Variants in PTPRG observed in about 807,000 individuals in gnomAD.
PTPRG encodes receptor-type tyrosine-protein phosphatase gamma.
In PTPRG, 102 loss-of-function variants were observed where a neutral mutation model predicts 165.3. The observed-to-expected ratio is 0.62, with a 90% CI of 0.53 to 0.73. The LOEUF is 0.73. Among genes scored for constraint, PTPRG ranks in the 30% least tolerant of loss-of-function variants. The pLI is 0.00. For missense variants in PTPRG, 1,866 were observed against 1,861.4 expected, an observed-to-expected ratio of 1.00 and a Z score of -0.05; for synonymous variants, 675 against 669.5, an observed-to-expected ratio of 1.01 and a Z score of -0.13.
chr3:61,961,084 A>G (rs574464691), intron 2 of PTPRG, among the ~76,000 whole-genome samples: 1 of 152,272 alleles, frequency 6.6e-6, no homozygotes, highest in South Asian at 2.1e-4. Context: ...GTAAAGTGTT[A>G]AAAAACTTTG....
intron 1 of PTPRG, among the ~76,000 whole-genome samples, chr3:61,606,786 A>G (rs1469128699): frequency 6.6e-6 from 1 of 152,134 alleles, no homozygotes; most frequent in African/African-American, 2.4e-5. Flanking sequence ...TAAGGGCCTT[A>G]ATTTTATTCA....
intron 5 of PTPRG, among the ~76,000 whole-genome samples, chr3:62,116,398 T>C (rs2106875033): frequency 6.6e-6 from 1 of 152,330 alleles, no homozygotes; most frequent in South Asian, 2.1e-4. Flanking sequence ...GGTGATGCTT[T>C]ATGCAACAGA....
intron 10 of PTPRG, among the ~76,000 whole-genome samples, chr3:62,196,551 A>G (rs1410742109): frequency 1.3e-5 from 2 of 152,146 alleles, no homozygotes; most frequent in African/African-American, 2.4e-5. Context: ...TCCTGGTTCC[A>G]GTATTATTTA....
Position 62,296,911 on chromosome 3 carries a change from G to A in PTPRG, c.*3604G>A, listed in dbSNP as rs1424120283. 1 of 151,990 alleles carries A rather than the reference G, an allele frequency of 6.6e-6. No homozygotes were observed. Among genetic ancestry groups the A allele is most frequent in the Non-Finnish European group, 1.5e-5 (1 of 67,942 alleles). 9.4% of individuals were successfully genotyped at this position (151,990 alleles called of 1,614,324 possible). Reference sequence around the variant, plus strand: ...TCAAGAAAAATATCTTGAGTTTTAAGAAATAAACATCTCCAGAAAAGGAGA... The same window carrying A: ...TCAAGAAAAATATCTTGAGTTTTAAAAAATAAACATCTCCAGAAAAGGAGA... On this transcript the variant is annotated 3_prime_UTR_variant, in exon 30 of 30. Coordinates refer to ENST00000474889, the MANE Select transcript of PTPRG (RefSeq NM_002841.4).
intron 6 of PTPRG, among the ~76,000 whole-genome samples, chr3:62,153,208 A>G (rs1028952744): frequency 3.3e-5 from 5 of 152,210 alleles, no homozygotes; most frequent in Admixed American, 1.3e-4. Flanking sequence ...TTAAAACCCA[A>G]AATGAGCCAG....
At chr3:62,173,282 T>C (rs1455424346) in intron 8 of PTPRG, among the ~76,000 whole-genome samples, 1 of 152,120 alleles carries the variant, frequency 6.6e-6, no homozygotes, top group Non-Finnish European at 1.5e-5. Context: ...TTTTGGTCTG[T>C]GGTTGGTTGA....
intron 20 of PTPRG, among the ~76,000 whole-genome samples, chr3:62,269,945 A>G (rs111664761): frequency 9.5e-4 from 144 of 152,310 alleles, no homozygotes; most frequent in Non-Finnish European, 1.6e-3. Context: ...TAATTTATCA[A>G]TTAGGCACAG....
At chr3:62,052,914 G>C (rs1264783786) in intron 4 of PTPRG, among the ~76,000 whole-genome samples, 1 of 152,140 alleles carries the variant, frequency 6.6e-6, no homozygotes, top group African/African-American at 2.4e-5. Flanking sequence ...CTGTTTGTCA[G>C]ATACATATGC....
intron 2 of PTPRG, among the ~76,000 whole-genome samples, chr3:61,790,460 C>T (rs2034837573): frequency 6.6e-6 from 1 of 152,142 alleles, no homozygotes; most frequent in Non-Finnish European, 1.5e-5. Context: ...AGACCATGTT[C>T]TATTTTACTG....
chr3:61,939,607 G>T (rs977723627), intron 2 of PTPRG, among the ~76,000 whole-genome samples: 1 of 152,128 alleles, frequency 6.6e-6, no homozygotes, highest in African/African-American at 2.4e-5. Context: ...TGGGTTTCTA[G>T]TTTTCAATAA....
At chr3:62,267,374 C>A in intron 17 of PTPRG, 36 bp from the exon 18 acceptor site, 1 of 1,431,852 alleles carries the variant, frequency 7.0e-7, no homozygotes, top group South Asian at 1.2e-5. Context: ...CTGAATTATC[C>A]ATTTTATTTC....
intron 2 of PTPRG, among the ~76,000 whole-genome samples, chr3:61,877,516 A>G (rs144295933): frequency 0.012 from 1,769 of 152,300 alleles, 36 homozygotes; most frequent in African/African-American, 0.04. Flanking sequence ...CAGCTGACCA[A>G]CCAATTCACA....
chr3:62,110,816 G>A (rs906583955), intron 5 of PTPRG, among the ~76,000 whole-genome samples: 1 of 152,166 alleles, frequency 6.6e-6, no homozygotes, highest in Non-Finnish European at 1.5e-5. Context: ...AATTGCGAGG[G>A]CTGTAAGTTG....
intron 2 of PTPRG, among the ~76,000 whole-genome samples, chr3:61,768,463 C>G (rs774970516): frequency 6.6e-6 from 1 of 152,206 alleles, no homozygotes; most frequent in Non-Finnish European, 1.5e-5. Context: ...AGCCTCAGTA[C>G]TGAGTCTGTG....
intron 1 of PTPRG, among the ~76,000 whole-genome samples, chr3:61,688,347 A>C (rs1173429058): frequency 6.6e-6 from 1 of 152,088 alleles, no homozygotes; most frequent in Non-Finnish European, 1.5e-5. Context: ...GCCAGCCTAG[A>C]CTCTGTATCC....
At chr3:62,108,479 A>G (rs932380238) in intron 5 of PTPRG, among the ~76,000 whole-genome samples, 3 of 152,292 alleles carry the variant, frequency 2.0e-5, no homozygotes, top group East Asian at 1.9e-4. Flanking sequence ...AGTCTTTGCT[A>G]TTGTGAACAG....
At chr3:61,969,659 C>T (rs192901386) in intron 2 of PTPRG, among the ~76,000 whole-genome samples, 63 of 152,226 alleles carry the variant, frequency 4.1e-4, no homozygotes, top group Admixed American at 1.0e-3. Flanking sequence ...CCTACAGACT[C>T]GGTCACCCTC....
chr3:62,152,851 C>T (rs1576069625), intron 6 of PTPRG, among the ~76,000 whole-genome samples: 1 of 152,172 alleles, frequency 6.6e-6, no homozygotes, highest in African/African-American at 2.4e-5. Flanking sequence ...TTCCCACCCC[C>T]AACACTTGTG....
chr3:62,128,212 C>G (rs1050130820), intron 5 of PTPRG, among the ~76,000 whole-genome samples: 1 of 152,086 alleles, frequency 6.6e-6, no homozygotes, highest in African/African-American at 2.4e-5. Flanking sequence ...AATGAGAGTA[C>G]GAACTCTGCA....
Sources: gnomAD v4.1 joint callset for allele counts (sites outside exome capture counted in the v4.1 genomes callset) on GRCh38, gnomAD v4.1.1 for gene constraint, MANE v1.5 for transcripts, NCBI Gene and HGNC (gene_info 2026-07-23, HGNC 2026-07-21) for gene names.